LRRC56: variants seen among roughly 807,000 people sequenced by gnomAD.
LRRC56 encodes the protein leucine rich repeat containing 56.
In LRRC56, 41 loss-of-function variants were observed where a neutral mutation model predicts 47.8. The observed-to-expected ratio is 0.86, with a 90% confidence interval of 0.67 to 1.11. The LOEUF (loss-of-function observed/expected upper bound fraction) is 1.11. Ranked by LOEUF, LRRC56 falls within the 50% of genes most tolerant of loss-of-function variation. The pLI is 0.00. For missense variants in LRRC56, 759 were observed against 704.2 expected, an observed-to-expected ratio of 1.08 and a Z score of -0.88; for synonymous variants, 387 against 311.2, an observed-to-expected ratio of 1.24 and a Z score of -2.56.
chr11:532,332 G>C, the LRRC56 span: 1 of 523,128 alleles, frequency 1.9e-6, no homozygotes, highest in Non-Finnish European at 3.5e-6. Context: ...TGGGGTTCCG[G>C]TGGCATTTGG....
At chr11:513,091 C>G in the LRRC56 span, among the ~76,000 whole-genome samples, 1 of 152,246 alleles carries the variant, frequency 6.6e-6, no homozygotes, top group Non-Finnish European at 1.5e-5. Context: ...CCAGCACACC[C>G]CGCCTGCAGG....
the LRRC56 span, among the ~76,000 whole-genome samples, chr11:516,247 G>A: frequency 6.6e-6 from 1 of 152,132 alleles, no homozygotes; most frequent in African/African-American, 2.4e-5. Context: ...ACAAAAACTA[G>A]CCAGGCATGG....
At chr11:526,520 G>C in the LRRC56 span, among the ~76,000 whole-genome samples, 8 of 152,186 alleles carry the variant, frequency 5.3e-5, no homozygotes, top group Non-Finnish European at 1.5e-5. Flanking sequence ...GAAAGTCTAC[G>C]TCCTCGGGGG....
rs367864366 is a variant in LRRC56 at position 554,328 on chromosome 11, T to G, written c.*52T>G. ...GTGCTGGGGCCACGACTTGCCCACA[T>G]ATGTGGTCACAGAGCACAGAATACC... On this transcript the variant is annotated 3_prime_UTR_variant, in exon 14 of 14. Coordinates refer to ENST00000270115, the MANE Select transcript of LRRC56 (RefSeq NM_198075.4). The G allele has an allele frequency of 2.2e-4, 307 of 1,423,256 alleles. 1 individual carries two copies. The highest frequency in any genetic ancestry group is 1.5e-4 in the Admixed American group (6 of 40,172). The allele number at this position is 1,423,256 out of a possible 1,614,324, so 88.2% of individuals were successfully genotyped here.
At chr11:552,813 G>A (rs1291809181) in intron 13 of LRRC56, 111 bp downstream of exon 13, 1 of 947,976 alleles carries the variant, frequency 1.1e-6, no homozygotes, top group Non-Finnish European at 1.6e-6. Context: ...TGCTTCCTCA[G>A]CCATGCTCTG....
chr11:529,972 T>A, the LRRC56 span, among the ~76,000 whole-genome samples: 1 of 152,158 alleles, frequency 6.6e-6, no homozygotes, highest in Non-Finnish European at 1.5e-5. Context: ...GGCAGTGGGC[T>A]GCTCTCTGGA....
At chr11:527,886 G>A in the LRRC56 span, among the ~76,000 whole-genome samples, 2 of 152,042 alleles carry the variant, frequency 1.3e-5, no homozygotes, top group Admixed American at 6.5e-5. Context: ...TTTTTTAGTA[G>A]AGACAGGGTT....
chr11:550,094 A>T lies in LRRC56; in HGVS notation c.446A>T (p.Asn149Ile), dbSNP rs748577534. 3 of 1,612,646 alleles carry T rather than the reference A, an allele frequency of 1.9e-6. No individual in the cohort carries two copies. The highest frequency in any genetic ancestry group is 2.5e-6 in the Non-Finnish European group (3 of 1,179,336). Residue 149 changes from asparagine (N) to isoleucine (I), a missense_variant, in exon 8 of 14, where the codon AAC (asparagine) becomes ATC (isoleucine). Coordinates refer to ENST00000270115, the MANE Select transcript of LRRC56 (RefSeq NM_198075.4). ...ALKELYASYN[N>I]ISDLSPLCLL... ...CAGGAACTCTACGCCTCCTACAACA[A>T]CATCTCGGACCTGAGCCCACTGTGC... is the stretch of plus-strand genomic sequence containing the variant.
At chr11:523,955 G>C in the LRRC56 span, among the ~76,000 whole-genome samples, 1 of 151,748 alleles carries the variant, frequency 6.6e-6, no homozygotes, top group Non-Finnish European at 1.5e-5. Context: ...AAAATAAAAA[G>C]AAAACTACAA....
chr11:546,069 G>A (rs1163917558), intron 6 of LRRC56, among the ~76,000 whole-genome samples: 2 of 152,046 alleles, frequency 1.3e-5, no homozygotes, highest in African/African-American at 2.4e-5. Flanking sequence ...TCAGGAGTTC[G>A]AGACCAGCCT....
At chr11:544,657 G>C in intron 5 of LRRC56, 63 bp from the exon 6 acceptor site, 1 of 1,549,418 alleles carries the variant, frequency 6.5e-7, no homozygotes, top group Non-Finnish European at 8.9e-7. Flanking sequence ...TAGGGGTGAA[G>C]GAGGGTGCAG....
the LRRC56 span, among the ~76,000 whole-genome samples, chr11:521,812 G>T: frequency 6.6e-6 from 1 of 151,936 alleles, no homozygotes; most frequent in African/African-American, 2.4e-5. Context: ...CTACTCGGAA[G>T]GCTGAGGCAG....
chr11:551,537 G>C, intron 9 of LRRC56, 114 bp from the exon 10 acceptor site: 1 of 1,162,376 alleles, frequency 8.6e-7, no homozygotes, highest in South Asian at 1.6e-5. Context: ...TGCAGCGTGA[G>C]AGGCCAGCCT....
Position 539,655 on chromosome 11 carries a change from C to G in LRRC56, c.-83C>G, listed in dbSNP as rs1851699010. The G allele has an allele frequency of 6.6e-6, 1 of 152,098 alleles. No individual in the cohort carries two copies. The highest frequency in any genetic ancestry group is 1.5e-5 in the Non-Finnish European group (1 of 68,136). The allele number at this position is 152,098 out of a possible 1,614,324, so 9.4% of individuals were successfully genotyped here. On this transcript the variant is annotated 5_prime_UTR_variant, in exon 3 of 14. Coordinates refer to ENST00000270115, the MANE Select transcript of LRRC56 (RefSeq NM_198075.4). Reference sequence around the variant, plus strand: ...TCGTGATCTGCCCGCCGCGGCCTCCCAAAGTGCTGGGATTACAGGCGTGAG... The same window carrying G: ...TCGTGATCTGCCCGCCGCGGCCTCCGAAAGTGCTGGGATTACAGGCGTGAG...
chr11:520,821 G>T, the LRRC56 span, among the ~76,000 whole-genome samples: 1 of 152,074 alleles, frequency 6.6e-6, no homozygotes, highest in Non-Finnish European at 1.5e-5. Flanking sequence ...CGCCTTCCCA[G>T]ATGGCGAGGG....
the LRRC56 span, among the ~76,000 whole-genome samples, chr11:520,674 G>T: frequency 6.6e-6 from 1 of 152,040 alleles, no homozygotes; most frequent in South Asian, 2.1e-4. Context: ...TGAGCCCCAT[G>T]CCTGACCTCT....
upstream of LRRC56, among the ~76,000 whole-genome samples, chr11:535,851 C>T (rs1192894353): frequency 6.6e-6 from 1 of 152,090 alleles, no homozygotes; most frequent in South Asian, 2.1e-4. Context: ...CCGAGCAGGG[C>T]CCCGGGCTCT....
At chr11:540,913 TC>T in intron 4 of LRRC56, 52 bp downstream of exon 4, 1 of 1,364,650 alleles carries the variant, frequency 7.3e-7, no homozygotes, top group Admixed American at 2.5e-5. Flanking sequence ...TGGGGTGACA[TC>T]CCAGGGCTCC....
At chr11:534,359 A>G, upstream of LRRC56, 2 of 1,536,092 alleles carry the variant, frequency 1.3e-6, no homozygotes, top group East Asian at 2.3e-5. Context: ...GTCCTCCTAC[A>G]GGGTCTCCTG....
Sources: gnomAD v4.1 joint callset for allele counts (sites outside exome capture counted in the v4.1 genomes callset) on GRCh38, gnomAD v4.1.1 for gene constraint, MANE v1.5 for transcripts, NCBI Gene and HGNC (gene_info 2026-07-23, HGNC 2026-07-21) for gene names.